The following RAPGEF4 variants were observed in gnomAD, a reference collection of about 807,000 sequenced individuals.
RAPGEF4 encodes Rap guanine nucleotide exchange factor 4, also known as RAP guanine-nucleotide-exchange factor (GEF) 4.
In RAPGEF4, 66 loss-of-function variants were observed where a neutral mutation model predicts 147.9. The observed-to-expected ratio is 0.45, with a 90% CI of 0.37 to 0.55. The LOEUF (loss-of-function observed/expected upper bound fraction) is 0.55, where lower values mean the gene tolerates loss of function less well. Among genes scored for constraint, RAPGEF4 ranks in the 20% least tolerant of loss-of-function variants. The pLI is 0.00. For synonymous variants in RAPGEF4, 419 were observed against 442.7 expected (o/e 0.95, Z 0.67); for missense variants, 1,071 against 1,257.3 (o/e 0.85, Z 2.24).
At chr2:173,036,483 C>A in intron 28 of RAPGEF4, 145 bp from the exon 29 acceptor site, 1 of 686,536 alleles carries the variant, frequency 1.5e-6, no homozygotes. Context: ...AAAAGTTAAA[C>A]ACCTAGCATT....
chr2:172,755,989 G>T (rs1426709902), intron 1 of RAPGEF4, among the ~76,000 whole-genome samples: 1 of 152,084 alleles, frequency 6.6e-6, no homozygotes. Flanking sequence ...ATCTCTCCAA[G>T]ACTCCCTCTC....
chr2:173,012,028 A>G (rs1575514906), intron 17 of RAPGEF4, among the ~76,000 whole-genome samples: 1 of 152,294 alleles, frequency 6.6e-6, no homozygotes, highest in Non-Finnish European at 1.5e-5. Context: ...ATGTGTAGTG[A>G]AATATTTTTA....
At chr2:173,031,709 G>C (rs1011863172) in intron 26 of RAPGEF4, among the ~76,000 whole-genome samples, 1 of 152,140 alleles carries the variant, frequency 6.6e-6, no homozygotes, top group Non-Finnish European at 1.5e-5. Context: ...ATAGCTAACT[G>C]GCCAGTCCTT....
chr2:172,898,688 C>G (rs1391485092), intron 4 of RAPGEF4, among the ~76,000 whole-genome samples: 1 of 152,138 alleles, frequency 6.6e-6, no homozygotes, highest in African/African-American at 2.4e-5. Context: ...AGGAGAGATT[C>G]CCCTGGGTCC....
intron 6 of RAPGEF4, among the ~76,000 whole-genome samples, chr2:172,938,168 A>C (rs1281291166): frequency 6.6e-6 from 1 of 151,778 alleles, no homozygotes; most frequent in Non-Finnish European, 1.5e-5. Context: ...ATAGCAAGGA[A>C]ATACATGTGT....
intron 4 of RAPGEF4, among the ~76,000 whole-genome samples, chr2:172,910,132 G>T (rs148709292): frequency 1.3e-5 from 2 of 152,194 alleles, no homozygotes; most frequent in Non-Finnish European, 2.9e-5. Context: ...AGCAAAGAGC[G>T]CTTCAGGCTT....
chr2:172,831,415 C>A (rs1216125491), intron 4 of RAPGEF4, among the ~76,000 whole-genome samples: 1 of 151,376 alleles, frequency 6.6e-6, no homozygotes, highest in African/African-American at 2.4e-5. Context: ...ATTACAGGTG[C>A]CTGCCACCAT....
intron 4 of RAPGEF4, among the ~76,000 whole-genome samples, chr2:172,908,038 A>C (rs1699785537): frequency 6.6e-6 from 1 of 152,192 alleles, no homozygotes; most frequent in Non-Finnish European, 1.5e-5. Flanking sequence ...TGTGTGATTT[A>C]AATGTCTGCA....
At chr2:172,798,700 G>A (rs964593903) in intron 3 of RAPGEF4, among the ~76,000 whole-genome samples, 3 of 151,828 alleles carry the variant, frequency 2.0e-5, no homozygotes, top group Non-Finnish European at 4.4e-5. Flanking sequence ...CCAAATTTGA[G>A]GTTTACATTT....
chr2:172,950,516 T>C (rs534294960), intron 6 of RAPGEF4, among the ~76,000 whole-genome samples: 1 of 152,298 alleles, frequency 6.6e-6, no homozygotes, highest in Admixed American at 6.5e-5. Context: ...AGGAGGGTAA[T>C]GTAAGGATTA....
chr2:172,884,407 G>A (rs567615025), intron 4 of RAPGEF4, among the ~76,000 whole-genome samples: 14 of 152,320 alleles, frequency 9.2e-5, no homozygotes, highest in African/African-American at 2.9e-4. Flanking sequence ...CTCTATCCCT[G>A]TTTGGACTAA....
intron 23 of RAPGEF4, among the ~76,000 whole-genome samples, chr2:173,021,270 C>G (rs749494413): frequency 6.6e-6 from 1 of 152,222 alleles, no homozygotes; most frequent in African/African-American, 2.4e-5. Flanking sequence ...GTAGCCTGCT[C>G]TCTTTTAAGT....
chr2:172,948,272 C>T (rs1559139167), intron 6 of RAPGEF4, among the ~76,000 whole-genome samples: 1 of 152,100 alleles, frequency 6.6e-6, no homozygotes, highest in Admixed American at 6.5e-5. Context: ...CAGTAGATTT[C>T]TGAGGTGTTA....
Position 172,860,104 on chromosome 2 carries a change from A to G in RAPGEF4, c.444+45679A>G, listed in dbSNP as rs1432832793. 7.1e-6 allele frequency: 7 copies of G among 985,264 alleles called. No homozygotes were observed. The South Asian group carries it at 1.4e-4, about 20-fold the overall frequency. The allele number at this position is 985,264 out of a possible 1,614,324, so 61.0% of individuals were successfully genotyped here. On this transcript the variant is annotated intron_variant, in intron 4 of 30. Coordinates refer to ENST00000397081, the MANE Select transcript of RAPGEF4 (RefSeq NM_007023.4). ...AAAGGTAGGATGCATACGCAGAAAC[A>G]TTAGTGCTAATATGCTGCAGAAAAG...
chr2:172,903,326 G>A (rs562334021), intron 4 of RAPGEF4, among the ~76,000 whole-genome samples: 17 of 138,282 alleles, frequency 1.2e-4, no homozygotes, highest in Middle Eastern at 4.3e-3. Flanking sequence ...CGGAGATTGC[G>A]CCACTGCACT....
intron 17 of RAPGEF4, among the ~76,000 whole-genome samples, chr2:173,011,163 C>CGG (rs1553548081): frequency 1.2e-5 from 1 of 83,188 alleles, no homozygotes; most frequent in Non-Finnish European, 2.6e-5. Context: ...AACTTCAGCG[C>CGG]GCGCGCGCAC....
chr2:172,987,928 G>A (rs1481411825), intron 12 of RAPGEF4, among the ~76,000 whole-genome samples: 1 of 152,192 alleles, frequency 6.6e-6, no homozygotes, highest in East Asian at 1.9e-4. Flanking sequence ...AATGTGTATG[G>A]CTTTAAGAAA....
intron 1 of RAPGEF4, among the ~76,000 whole-genome samples, chr2:172,786,774 T>G (rs899978606): frequency 6.6e-6 from 1 of 151,804 alleles, no homozygotes; most frequent in Non-Finnish European, 1.5e-5. Context: ...TTCGTGAGAG[T>G]CTGATGCAGG....
intron 4 of RAPGEF4, among the ~76,000 whole-genome samples, chr2:172,911,987 G>T (rs57487752): frequency 6.6e-6 from 1 of 151,598 alleles, no homozygotes; most frequent in Non-Finnish European, 1.5e-5. Context: ...GGCTGGTTTC[G>T]AACTCCTGGC....
Sources: allele counts gnomAD v4.1 joint callset (sites outside exome capture counted in the v4.1 genomes callset), GRCh38; gene constraint gnomAD v4.1.1; transcripts MANE v1.5; gene names NCBI Gene and HGNC (gene_info 2026-07-23, HGNC 2026-07-21).